The following C7 variants were observed in gnomAD, a reference collection of about 807,000 sequenced individuals.
The protein encoded by C7 is complement C7.
C7 carries 83 observed loss-of-function variants against 104.8 expected under a neutral mutation model. That is an observed-to-expected ratio of 0.79 (90% CI 0.66 to 0.95). The LOEUF (loss-of-function observed/expected upper bound fraction) is 0.95. Among genes scored for constraint, C7 ranks in the 40% least tolerant of loss-of-function variants. C7 has a pLI of 0.00. For synonymous variants in C7, 415 were observed against 360.6 expected (o/e 1.15, Z -1.71); for missense variants, 1,070 against 1,011.2 (o/e 1.06, Z -0.79).
intron 3 of C7, 86 bp downstream of exon 3, chr5:40,931,225 A>G (rs1389155569): frequency 2.2e-6 from 2 of 914,754 alleles, no homozygotes; most frequent in Non-Finnish European, 3.5e-6. Context: ...TTGAATGTTC[A>G]TTAAATAGTG....
chr5:40,960,765 C>T (rs1013833144), intron 12 of C7, among the ~76,000 whole-genome samples: 1 of 152,156 alleles, frequency 6.6e-6, no homozygotes, highest in African/African-American at 2.4e-5. Flanking sequence ...AGGCCACACT[C>T]CCAGGCTATT....
At chr5:40,951,673 T>A (rs10472350) in intron 9 of C7, among the ~76,000 whole-genome samples, 1 of 151,886 alleles carries the variant, frequency 6.6e-6, no homozygotes, top group African/African-American at 2.4e-5. Flanking sequence ...ATGGTAGGGG[T>A]GTAAGTGAGA....
At chr5:40,951,451 T>A (rs1319632547) in intron 9 of C7, among the ~76,000 whole-genome samples, 1 of 152,064 alleles carries the variant, frequency 6.6e-6, no homozygotes, top group Non-Finnish European at 1.5e-5. Flanking sequence ...AAATAGTCAC[T>A]GGGGACTGCT....
At chr5:40,957,079 G>A (rs758237759) in intron 10 of C7, among the ~76,000 whole-genome samples, 1 of 152,194 alleles carries the variant, frequency 6.6e-6, no homozygotes, top group African/African-American at 2.4e-5. Flanking sequence ...CATCGTGTTC[G>A]CAACAGCTTG....
At chr5:40,957,136 A>G (rs1414529066) in intron 10 of C7, among the ~76,000 whole-genome samples, 1 of 152,208 alleles carries the variant, frequency 6.6e-6, no homozygotes, top group Non-Finnish European at 1.5e-5. Context: ...TTCAGGCATC[A>G]TGGTGGCAGC....
At chr5:40,967,344 A>G (rs1740579388) in intron 14 of C7, among the ~76,000 whole-genome samples, 1 of 152,164 alleles carries the variant, frequency 6.6e-6, no homozygotes, top group South Asian at 2.1e-4. Context: ...GATTACAGGC[A>G]TGAGCCACCG....
intron 6 of C7, among the ~76,000 whole-genome samples, chr5:40,939,189 A>G (rs2455314): frequency 0.45 from 68,918 of 152,100 alleles, 16,121 homozygotes; most frequent in African/African-American, 0.59. Context: ...AATAGCAAAC[A>G]TACCGTCTTC....
chr5:40,947,096 GA>G (rs1442699966), intron 7 of C7, among the ~76,000 whole-genome samples: 23 of 124,764 alleles, frequency 1.8e-4, no homozygotes, highest in Middle Eastern at 4.7e-3. Context: ...GCATTACTCA[GA>G]TTTTTTTTTT....
At chr5:40,962,963 C>T (rs1740454198) in intron 13 of C7, among the ~76,000 whole-genome samples, 1 of 152,120 alleles carries the variant, frequency 6.6e-6, no homozygotes, top group Non-Finnish European at 1.5e-5. Flanking sequence ...GTTGTGTGTT[C>T]ACGCAAGTGT....
At position 40,933,314 on chromosome 5, in the gene C7, T is replaced by A. The variant is rs547585726; in HGVS notation, c.139-1011T>A. 2.6e-5 allele frequency among the ~76,000 whole-genome samples: 4 copies of A among 152,274 alleles called. No homozygotes were observed. In the South Asian group the frequency reaches 8.3e-4, roughly 32 times the overall value. On this transcript the variant is annotated intron_variant, in intron 3 of 17. Transcript: ENST00000313164. ...ATGTACAGCAACTCTTCCCTGTTGA[T>A]CTTCACTCAAGGTTTAAATCCTCAG...
At chr5:40,922,604 G>A (rs758424543) in intron 1 of C7, among the ~76,000 whole-genome samples, 3 of 150,486 alleles carry the variant, frequency 2.0e-5, no homozygotes, top group Non-Finnish European at 4.4e-5. Flanking sequence ...AGGAGGCTGA[G>A]GCAGGAGAAT....
chr5:40,968,700 C>T (rs1212020866), intron 14 of C7, among the ~76,000 whole-genome samples: 2 of 143,066 alleles, frequency 1.4e-5, no homozygotes, highest in Non-Finnish European at 3.0e-5. Flanking sequence ...TAATCTCTGC[C>T]TCCTGGGCTC....
rs115088941 is a variant in C7, at chr5:40,960,224, G to A, written c.1661+604G>A. On this transcript the variant is annotated intron_variant, in intron 12 of 17. Transcript: ENST00000313164. ...CTCAGTTGATGAATCATAGCCCTGG[G>A]TCAGAATTCTTTATGCCACACCCTA... Among the ~76,000 whole-genome samples, 738 of 152,180 alleles carry A rather than the reference G, an allele frequency of 4.8e-3. 8 individuals carry two copies. Among genetic ancestry groups the A allele is most frequent in the African/African-American group, 0.017 (711 of 41,518 alleles).
At position 40,910,603 on chromosome 5, in the gene C7, A is replaced by T. The variant is rs117285367; in HGVS notation, c.6+987A>T. ...GGCAGTCATAAAAAAGAATGAAATC[A>T]TGTCCTTTGCAGCAACATGGAGGCA... On this transcript the variant is annotated intron_variant, in intron 1 of 17. Coordinates refer to ENST00000313164, the MANE Select transcript of C7 (RefSeq NM_000587.4). Among the ~76,000 whole-genome samples, 192 of 152,294 alleles carry T rather than the reference A, an allele frequency of 1.3e-3. 3 individuals carry two copies. In the East Asian group the frequency reaches 0.03, roughly 24 times the overall value.
chr5:40,946,135 G>A (rs1740043219), intron 7 of C7, among the ~76,000 whole-genome samples: 1 of 151,690 alleles, frequency 6.6e-6, no homozygotes, highest in South Asian at 2.1e-4. Flanking sequence ...TTTTTAGATG[G>A]TGCATGAAGA....
chr5:40,961,674 T>C (rs1740425318), intron 12 of C7, among the ~76,000 whole-genome samples: 1 of 152,132 alleles, frequency 6.6e-6, no homozygotes, highest in Non-Finnish European at 1.5e-5. Context: ...GCGTGAGCTG[T>C]CGCATCTCGT....
rs1167314053 is a variant in C7, at chr5:40,979,726, C to T, written c.2167C>T (p.Pro723Ser). ...CVCKMPYECGPSLDVCAQDER... is the reference protein window; with the variant it reads ...CVCKMPYECGSSLDVCAQDER... ...AATGTCATTAAAAATTCTTTTCAGA[C>T]CTTCCTTGGATGTATGTGCTCAAGA... The change falls in exon 17 of 18, where the codon CCT becomes TCT. Residue 723 changes from proline to serine, a missense_variant and splice_region_variant. Transcript: ENST00000313164. 6.2e-7 allele frequency: 1 copy of T among 1,602,150 alleles called. No individual in the cohort carries two copies. The highest frequency in any genetic ancestry group is 2.2e-5 in the East Asian group (1 of 44,702).
At chr5:40,936,281 G>A in intron 4 of C7, 57 bp from the exon 5 acceptor site, 3 of 1,568,672 alleles carry the variant, frequency 1.9e-6, no homozygotes, top group Non-Finnish European at 2.6e-6. Context: ...TTGGTCCTGG[G>A]TAGTGTTTCT....
intron 1 of C7, among the ~76,000 whole-genome samples, chr5:40,919,394 G>A (rs904393648): frequency 1.3e-5 from 2 of 152,046 alleles, no homozygotes. Context: ...CAAAGTGCTG[G>A]GATTACAGGT....
Sources: gnomAD v4.1 joint callset for allele counts (sites outside exome capture counted in the v4.1 genomes callset) on GRCh38, gnomAD v4.1.1 for gene constraint, MANE v1.5 for transcripts, NCBI Gene and HGNC (gene_info 2026-07-23, HGNC 2026-07-21) for gene names.